The following GPHN variants were observed in gnomAD, a reference collection of about 807,000 sequenced individuals.
GPHN encodes gephyrin.
A neutral mutation model predicts 95.5 loss-of-function variants in GPHN; 17 were observed. The observed-to-expected ratio is 0.18, with a 90% CI of 0.12 to 0.27. GPHN has a LOEUF of 0.27. GPHN is among the 10% of genes least tolerant of loss of function. The pLI, the probability that GPHN is intolerant of heterozygous loss-of-function variation, is 1.00. For missense variants in GPHN, 660 were observed against 978.1 expected (o/e 0.67, Z 4.34); for synonymous variants, 320 against 322.5 (o/e 0.99, Z 0.08).
the GPHN span, among the ~76,000 whole-genome samples, chr14:67,327,596 C>T: frequency 0.016 from 2,420 of 152,034 alleles, 69 homozygotes; most frequent in African/African-American, 0.054. Context: ...CCCGTTAACT[C>T]GTCATTTACA....
At chr14:66,659,688 G>C (rs181261709) in intron 1 of GPHN, among the ~76,000 whole-genome samples, 1 of 152,050 alleles carries the variant, frequency 6.6e-6, no homozygotes. Context: ...TCTGTCTCTG[G>C]TAATTTCTTT....
intron 4 of GPHN, among the ~76,000 whole-genome samples, chr14:66,828,946 C>T (rs1428979653): frequency 6.7e-6 from 1 of 149,836 alleles, no homozygotes; most frequent in Non-Finnish European, 1.5e-5. Flanking sequence ...ACTTGCATGC[C>T]TTCTAGCCTT....
intron 1 of GPHN, among the ~76,000 whole-genome samples, chr14:66,625,286 G>A (rs542648519): frequency 6.6e-6 from 1 of 152,190 alleles, no homozygotes; most frequent in East Asian, 1.9e-4. Context: ...ATGTTGCCAA[G>A]GGTCTCGAAC....
the GPHN span, chr14:67,589,517 AG>A: frequency 1.0e-6 from 1 of 985,302 alleles, no homozygotes; most frequent in Non-Finnish European, 1.2e-6. Context: ...AATAAAAAGC[AG>A]CTATCTGTGA....
At chr14:67,371,782 G>A in the GPHN span, among the ~76,000 whole-genome samples, 1 of 152,216 alleles carries the variant, frequency 6.6e-6, no homozygotes, top group Non-Finnish European at 1.5e-5. Flanking sequence ...CTAATTTTAT[G>A]AGGCCATCAT....
intron 16 of GPHN, among the ~76,000 whole-genome samples, chr14:67,115,268 A>G (rs1171334286): frequency 6.6e-6 from 1 of 152,040 alleles, no homozygotes; most frequent in Non-Finnish European, 1.5e-5. Flanking sequence ...AATAAAGCAT[A>G]TTATCTCTCC....
At chr14:67,421,483 G>T in the GPHN span, among the ~76,000 whole-genome samples, 2 of 152,212 alleles carry the variant, frequency 1.3e-5, no homozygotes, top group South Asian at 4.2e-4. Context: ...GCCAAGCTCA[G>T]GCCACCAGAC....
chr14:67,393,263 G>A, the GPHN span: 1 of 1,567,356 alleles, frequency 6.4e-7, no homozygotes, highest in South Asian at 1.1e-5. Context: ...GGAAGGCAAA[G>A]GAGAGGGAAC....
At chr14:66,689,533 T>A (rs535865450) in intron 2 of GPHN, among the ~76,000 whole-genome samples, 1 of 152,298 alleles carries the variant, frequency 6.6e-6, no homozygotes, top group South Asian at 2.1e-4. Context: ...GTCCTTGGTC[T>A]AGTTTTAGTA....
chr14:66,592,499 A>G (rs878962184), intron 1 of GPHN, among the ~76,000 whole-genome samples: 10 of 152,004 alleles, frequency 6.6e-5, no homozygotes, highest in Non-Finnish European at 1.3e-4. Context: ...GAAGGATAGA[A>G]CAGATATTTC....
the GPHN span, among the ~76,000 whole-genome samples, chr14:67,372,826 C>CAA: frequency 0.02 from 2,783 of 138,424 alleles, 33 homozygotes; most frequent in Non-Finnish European, 0.03. Context: ...GACTCCATCT[C>CAA]AAAAAAAAAA....
At chr14:66,872,906 A>C (rs985691493) in intron 4 of GPHN, among the ~76,000 whole-genome samples, 1 of 151,368 alleles carries the variant, frequency 6.6e-6, no homozygotes, top group Non-Finnish European at 1.5e-5. Flanking sequence ...AAAAAAAAAA[A>C]GGGTGCCCTA....
the GPHN span, among the ~76,000 whole-genome samples, chr14:67,411,030 C>T: frequency 6.6e-6 from 1 of 151,340 alleles, no homozygotes; most frequent in African/African-American, 2.4e-5. Flanking sequence ...ACCTGTAGTC[C>T]CAGCTACTAG....
the GPHN span, among the ~76,000 whole-genome samples, chr14:67,720,357 G>T: frequency 6.6e-6 from 1 of 152,106 alleles, no homozygotes; most frequent in South Asian, 2.1e-4. Context: ...GTGTATGATG[G>T]TTTTTGTCAT....
the GPHN span, among the ~76,000 whole-genome samples, chr14:67,626,253 CAG>C: frequency 5.0e-3 from 749 of 151,002 alleles, 36 homozygotes; most frequent in East Asian, 0.083. Context: ...GACTCTGTCT[CAG>C]GGGAAAAAAA....
At chr14:67,678,786 G>C in the GPHN span, among the ~76,000 whole-genome samples, 2 of 151,822 alleles carry the variant, frequency 1.3e-5, no homozygotes, top group African/African-American at 2.4e-5. Context: ...CTTGGACAAT[G>C]TCATATAGCT....
chr14:66,782,150 T>C (rs1379615956), intron 3 of GPHN, among the ~76,000 whole-genome samples: 1 of 152,214 alleles, frequency 6.6e-6, no homozygotes, highest in African/African-American at 2.4e-5. Flanking sequence ...TAATTCTTAA[T>C]GAAAAAGTCC....
Position 67,100,579 on chromosome 14 carries a change from G to A in GPHN, c.1238-277G>A, listed in dbSNP as rs17103954. Among the ~76,000 whole-genome samples the A allele has an allele frequency of 2.2e-3, 338 of 152,258 alleles. 1 individual carries two copies. Among genetic ancestry groups the A allele is most frequent in the African/African-American group, 7.9e-3 (327 of 41,538 alleles). ...AGAAAAGCACAAGTGTGGAAATTAC[G>A]AGGTGACAGGAAGACCACCTCCAGT... On this transcript the variant is annotated intron_variant, in intron 12 of 22. Transcript: ENST00000478722.
At chr14:67,380,369 G>GGGAC in the GPHN span, among the ~76,000 whole-genome samples, 1 of 152,020 alleles carries the variant, frequency 6.6e-6, no homozygotes, top group Admixed American at 6.6e-5. Context: ...CCTTGAGGCA[G>GGGAC]GGACAGCTAA....
Sources: allele counts gnomAD v4.1 joint callset (sites outside exome capture counted in the v4.1 genomes callset), GRCh38; gene constraint gnomAD v4.1.1; transcripts MANE v1.5; gene names NCBI Gene and HGNC (gene_info 2026-07-23, HGNC 2026-07-21).